The following LARGE1 variants were observed in gnomAD, a reference collection of about 807,000 sequenced individuals.
The protein encoded by LARGE1 is xylosyl- and glucuronyltransferase LARGE1.
LARGE1 carries 43 observed loss-of-function variants against 87.6 expected under a neutral mutation model. The observed-to-expected ratio is 0.49, with a 90% CI of 0.38 to 0.63. The LOEUF is 0.63. Among genes scored for constraint, LARGE1 ranks in the 30% least tolerant of loss-of-function variants. LARGE1 has a pLI of 0.00. For synonymous variants in LARGE1, 434 were observed against 394.6 expected (o/e 1.10, Z -1.18); for missense variants, 802 against 1,000.2 (o/e 0.80, Z 2.67).
At chr22:33,254,365 C>A (rs1927154553) in intron 11 of LARGE1, among the ~76,000 whole-genome samples, 1 of 152,188 alleles carries the variant, frequency 6.6e-6, no homozygotes, top group Non-Finnish European at 1.5e-5. Flanking sequence ...CAAGCTCTGA[C>A]AATAGTAGGC....
intron 6 of LARGE1, among the ~76,000 whole-genome samples, chr22:33,527,019 G>C (rs1414856394): frequency 6.6e-6 from 1 of 152,228 alleles, no homozygotes; most frequent in East Asian, 1.9e-4. Context: ...CACTTTGAGA[G>C]GCCGAGGCGG....
chr22:33,208,511 G>A (rs1924796256), intron 11 of LARGE1, among the ~76,000 whole-genome samples: 1 of 152,064 alleles, frequency 6.6e-6, no homozygotes. Flanking sequence ...AGGTCTATGA[G>A]CATCCTTCTA....
intron 6 of LARGE1, among the ~76,000 whole-genome samples, chr22:33,540,171 CT>C (rs1168972321): frequency 1.8e-4 from 27 of 152,190 alleles, no homozygotes; most frequent in Admixed American, 1.8e-3. Flanking sequence ...ACATTGCCAA[CT>C]ACACTAATGA....
intron 13 of LARGE1, among the ~76,000 whole-genome samples, chr22:33,281,853 T>C (rs981794130): frequency 2.6e-5 from 4 of 152,220 alleles, no homozygotes; most frequent in African/African-American, 9.6e-5. Flanking sequence ...ACCCACCTCA[T>C]AAAGTTATTT....
chr22:33,864,736 C>A (rs1307652965), intron 1 of LARGE1, among the ~76,000 whole-genome samples: 1 of 152,164 alleles, frequency 6.6e-6, no homozygotes, highest in Non-Finnish European at 1.5e-5. Flanking sequence ...TTTAAGTGGC[C>A]AAAGCCCACA....
chr22:33,387,536 A>C (rs1387500356), intron 7 of LARGE1, among the ~76,000 whole-genome samples: 1 of 112,782 alleles, frequency 8.9e-6, no homozygotes, highest in African/African-American at 3.7e-5. Context: ...GGGGGGGGGG[A>C]TGGTGGGAAA....
intron 2 of LARGE1, among the ~76,000 whole-genome samples, chr22:33,677,325 CG>C (rs796369656): frequency 1.5e-4 from 22 of 151,170 alleles, no homozygotes; most frequent in African/African-American, 5.3e-4. Context: ...AAAACTCACT[CG>C]AACTGGCCCA....
chr22:33,651,389 C>CAAAAAAAAA (rs59002897), intron 2 of LARGE1, among the ~76,000 whole-genome samples: 48 of 54,086 alleles, frequency 8.9e-4, no homozygotes, highest in African/African-American at 2.6e-3. Flanking sequence ...GACTCCGTCT[C>CAAAAAAAAA]AAAAAAAAAA....
intron 4 of LARGE1, among the ~76,000 whole-genome samples, chr22:33,624,922 G>A (rs1602783854): frequency 1.3e-5 from 2 of 152,192 alleles, no homozygotes; most frequent in Non-Finnish European, 2.9e-5. Context: ...AGGGAGAATC[G>A]CAAAGCACTG....
intron 7 of LARGE1, among the ~76,000 whole-genome samples, chr22:33,403,665 G>A (rs1309675309): frequency 8.6e-5 from 13 of 151,850 alleles, no homozygotes; most frequent in Admixed American, 2.6e-4. Context: ...GTGTAGTGGC[G>A]CGATCTCGGC....
chr22:33,362,073 A>G (rs1020709248), intron 9 of LARGE1, among the ~76,000 whole-genome samples: 2 of 149,350 alleles, frequency 1.3e-5, no homozygotes, highest in East Asian at 1.9e-4. Flanking sequence ...AAACCAGCAC[A>G]CTACACACTC....
chr22:33,888,843 C>T (rs2064930243), intron 1 of LARGE1, among the ~76,000 whole-genome samples: 1 of 152,146 alleles, frequency 6.6e-6, no homozygotes. Flanking sequence ...GGCAACAGGG[C>T]AAGACTCTGT....
intron 6 of LARGE1, among the ~76,000 whole-genome samples, chr22:33,438,397 T>C (rs541183899): frequency 3.6e-4 from 55 of 152,330 alleles, no homozygotes; most frequent in Non-Finnish European, 7.2e-4. Context: ...CCTGTGGTTA[T>C]GATTAAGTGC....
At chr22:33,155,941 G>A in the LARGE1 span, among the ~76,000 whole-genome samples, 2 of 146,394 alleles carry the variant, frequency 1.4e-5, no homozygotes, top group Non-Finnish European at 3.0e-5. Flanking sequence ...TACAGCTCGG[G>A]CTGTTGCTTC....
At position 33,475,423 on chromosome 22, in the gene LARGE1, CATAT is replaced by C. The variant is rs1173497678; in HGVS notation, c.788-43162_788-43159del. Reference sequence around the variant, plus strand: ...TACTTGATAATCAGCATCAGTGAGTCATATTTATTTATTTATTTATTTATTTATT... The same window carrying C: ...TACTTGATAATCAGCATCAGTGAGTCTTATTTATTTATTTATTTATTTATT... On this transcript the variant is annotated intron_variant, in intron 6 of 14. Transcript: ENST00000397394. Among the ~76,000 whole-genome samples, 210 of 138,846 alleles carry C rather than the reference CATAT, an allele frequency of 1.5e-3. 2 individuals carry two copies. Among genetic ancestry groups the C allele is most frequent in the African/African-American group, 5.1e-3 (191 of 37,306 alleles). The allele number at this position is 138,846 out of a possible 152,430, so 91.1% of individuals were successfully genotyped here. A position where few individuals can be genotyped will look rare whatever the true frequency, so the allele number is the denominator to read the frequency against.
intron 2 of LARGE1, among the ~76,000 whole-genome samples, chr22:33,676,330 C>T (rs2081575083): frequency 1.6e-5 from 2 of 123,070 alleles, no homozygotes; most frequent in South Asian, 2.7e-4. Context: ...AGAATACGTC[C>T]AGCAGGTTAA....
At chr22:33,529,914 T>G (rs1369738507) in intron 6 of LARGE1, among the ~76,000 whole-genome samples, 1 of 152,196 alleles carries the variant, frequency 6.6e-6, no homozygotes, top group Non-Finnish European at 1.5e-5. Context: ...CATGTGTTTG[T>G]GTTTTGGCAG....
At chr22:33,413,145 TA>T (rs879835685) in intron 7 of LARGE1, among the ~76,000 whole-genome samples, 6 of 149,766 alleles carry the variant, frequency 4.0e-5, no homozygotes, top group African/African-American at 1.2e-4. Flanking sequence ...TAGTCTAAAA[TA>T]AAAAAAAAAT....
chr22:33,334,418 AAAAAC>A (rs373772134), intron 10 of LARGE1, among the ~76,000 whole-genome samples: 4,535 of 77,124 alleles, frequency 0.059, 303 homozygotes, highest in African/African-American at 0.16. Flanking sequence ...TCAAAAAAAA[AAAAAC>A]AAAAAAAAAA....
Sources: gnomAD v4.1 joint callset for allele counts (sites outside exome capture counted in the v4.1 genomes callset) on GRCh38, gnomAD v4.1.1 for gene constraint, MANE v1.5 for transcripts, NCBI Gene and HGNC (gene_info 2026-07-23, HGNC 2026-07-21) for gene names.